Variants in MIGA1 observed in about 807,000 individuals in gnomAD.
MIGA1 encodes the protein mitoguardin 1, also known as family with sequence similarity 73, member A.
A neutral mutation model predicts 82.0 loss-of-function variants in MIGA1; 58 were observed. The ratio of observed to expected loss-of-function variants is 0.71; its 90% CI spans 0.57 to 0.88. MIGA1 has a LOEUF of 0.88. MIGA1 is among the 40% of genes least tolerant of loss of function. The pLI is 0.00. For missense variants in MIGA1, 751 were observed against 749.1 expected (o/e 1.00, Z -0.03); for synonymous variants, 249 against 253.6 (o/e 0.98, Z 0.17).
chr1:77,834,078 A>G (rs1684339816), intron 7 of MIGA1, among the ~76,000 whole-genome samples: 1 of 152,242 alleles, frequency 6.6e-6, no homozygotes, highest in Non-Finnish European at 1.5e-5. Flanking sequence ...ATTATTTCAC[A>G]TGGGTGAAAC....
chr1:77,870,114 G>C (rs1685885759), intron 14 of MIGA1, among the ~76,000 whole-genome samples: 1 of 98,040 alleles, frequency 1.0e-5, no homozygotes, highest in Non-Finnish European at 2.2e-5. Context: ...CTCCCTCCTG[G>C]ACGGGGCGAC....
chr1:77,846,450 T>C (rs1684845212), intron 8 of MIGA1, among the ~76,000 whole-genome samples: 1 of 152,022 alleles, frequency 6.6e-6, no homozygotes, highest in Non-Finnish European at 1.5e-5. Flanking sequence ...TGTGTATATG[T>C]ATTTAATAGA....
At chr1:77,819,322 C>T (rs1220513412) in intron 7 of MIGA1, among the ~76,000 whole-genome samples, 1 of 152,022 alleles carries the variant, frequency 6.6e-6, no homozygotes, top group Non-Finnish European at 1.5e-5. Flanking sequence ...TCACTCTTGT[C>T]ACCCAGGCTG....
chr1:77,782,595 G>A (rs1246271670), intron 1 of MIGA1, among the ~76,000 whole-genome samples: 2 of 152,158 alleles, frequency 1.3e-5, no homozygotes, highest in Non-Finnish European at 2.9e-5. Flanking sequence ...CTGCCTTAAT[G>A]ACCTCTCTTT....
intron 4 of MIGA1, among the ~76,000 whole-genome samples, chr1:77,803,898 A>C (rs1317454033): frequency 1.3e-5 from 2 of 152,188 alleles, no homozygotes; most frequent in Non-Finnish European, 2.9e-5. Flanking sequence ...TTAAAAAGTA[A>C]CTAAAAGATT....
Position 77,803,270 on chromosome 1 carries a change from G to A in MIGA1, c.374G>A (p.Gly125Asp). 6.6e-7 allele frequency: 1 copy of A among 1,510,510 alleles called. No individual in the cohort carries two copies. The highest frequency in any genetic ancestry group is 1.4e-5 in the South Asian group (1 of 73,356). The allele number at this position is 1,510,510 out of a possible 1,614,324, so 93.6% of individuals were successfully genotyped here. ...TAATATTAGTATGTTTATTTGATAG[G>A]TTCAAGTTGTTCCAGTAGCAGACAG... is the stretch of plus-strand genomic sequence containing the variant. The change falls in exon 4 of 16, where the codon GGT becomes GAT. Residue 125 changes from glycine to aspartate, a missense_variant and splice_region_variant. This residue lies in a region of MIGA1 where 482 missense variants were observed against 439.4 expected (regional missense o/e 1.10). Transcript: ENST00000370791.
chr1:77,869,062 T>C (rs1466890795), intron 14 of MIGA1, among the ~76,000 whole-genome samples: 1 of 151,900 alleles, frequency 6.6e-6, no homozygotes, highest in African/African-American at 2.4e-5. Flanking sequence ...CAAAGGTCTC[T>C]GGTTTTCCTA....
chr1:77,828,313 T>G (rs886145762), intron 7 of MIGA1, among the ~76,000 whole-genome samples: 1 of 152,186 alleles, frequency 6.6e-6, no homozygotes, highest in Non-Finnish European at 1.5e-5. Flanking sequence ...TAGGTTTTGC[T>G]CTAGACCTAC....
intron 2 of MIGA1, among the ~76,000 whole-genome samples, chr1:77,787,709 T>C (rs1682229405): frequency 6.6e-6 from 1 of 152,120 alleles, no homozygotes; most frequent in African/African-American, 2.4e-5. Flanking sequence ...ATTTTTGAAA[T>C]TGTTTTGTTC....
chr1:77,868,399 A>G (rs1319072735), intron 14 of MIGA1: 9 of 152,048 alleles, frequency 5.9e-5, no homozygotes. Context: ...GCTAATTTGT[A>G]TATTTTTGGC....
chr1:77,841,837 C>T (rs1219771762), intron 7 of MIGA1, among the ~76,000 whole-genome samples: 1 of 149,664 alleles, frequency 6.7e-6, no homozygotes, highest in Non-Finnish European at 1.5e-5. Context: ...CTCACTCTGA[C>T]ATCCAGGCTG....
chr1:77,779,659 T>C lies in MIGA1; in HGVS notation c.4T>C (p.Ser2Pro), dbSNP rs1386621064. ...CCGGAAGGACTCCGCCTTCTCCATG[T>C]CAGACTGCTGCTCAGCGCCAGGCAT... The change falls in exon 1 of 16, where the codon TCA becomes CCA. Residue 2 changes from serine (S) to proline (P), a missense_variant. By Grantham distance (74) the Ser-to-Pro change is moderately conservative. This residue lies in a region of MIGA1 where 482 missense variants were observed against 439.4 expected (regional missense o/e 1.10). Transcript: ENST00000370791. The C allele has an allele frequency of 1.3e-6, 2 of 1,580,240 alleles. No homozygotes were observed. The highest frequency in any genetic ancestry group is 1.3e-5 in the African/African-American group (1 of 74,262).
intron 11 of MIGA1, chr1:77,860,842 G>T (rs998774916): frequency 3.9e-5 from 7 of 181,726 alleles, no homozygotes. Flanking sequence ...TGTAAGTCTT[G>T]TGTTGCTTTC....
chr1:77,790,562 G>A (rs1682372437), intron 2 of MIGA1, among the ~76,000 whole-genome samples: 2 of 151,166 alleles, frequency 1.3e-5, no homozygotes, highest in Admixed American at 6.6e-5. Context: ...CACTGCGCCC[G>A]GCCCCCACCT....
At chr1:77,829,474 G>A (rs180779574) in intron 7 of MIGA1, among the ~76,000 whole-genome samples, 142 of 152,038 alleles carry the variant, frequency 9.3e-4, no homozygotes, top group African/African-American at 3.2e-3. Context: ...TAGAAGTTTT[G>A]TTTGTTTGTT....
At chr1:77,829,470 TTTTG>T (rs1012179089) in intron 7 of MIGA1, among the ~76,000 whole-genome samples, 12 of 151,692 alleles carry the variant, frequency 7.9e-5, no homozygotes, top group African/African-American at 2.9e-4. Context: ...CTTCTAGAAG[TTTTG>T]TTTGTTTGTT....
chr1:77,815,345 A>C, intron 7 of MIGA1, 114 bp downstream of exon 7: 1 of 856,206 alleles, frequency 1.2e-6, no homozygotes, highest in African/African-American at 1.8e-5. Context: ...AAAAAAAAAT[A>C]AACTAGCCAA....
At chr1:77,787,386 C>CTT (rs74680486) in intron 2 of MIGA1, among the ~76,000 whole-genome samples, 13 of 142,234 alleles carry the variant, frequency 9.1e-5, no homozygotes, top group Non-Finnish European at 1.2e-4. Context: ...GTCCTTTGCC[C>CTT]TTTTTTTTTT....
At position 77,875,420 on chromosome 1, in the gene MIGA1, T is replaced by G. The variant is rs1646886660; in HGVS notation, c.*356T>G. ...GTTTTTATGCTTTGCACCTTTAAAA[T>G]GTACACTTTAGCCAAGGTCTTTGTG... On this transcript the variant is annotated 3_prime_UTR_variant, in exon 16 of 16. Coordinates refer to ENST00000370791, the MANE Select transcript of MIGA1 (RefSeq NM_198549.4). 1 of 185,658 alleles carries G rather than the reference T, an allele frequency of 5.4e-6. No homozygotes were observed. The highest frequency in any genetic ancestry group is 1.1e-5 in the Non-Finnish European group (1 of 88,978). 11.5% of individuals were successfully genotyped at this position (185,658 alleles called of 1,614,324 possible).
Sources: gnomAD v4.1 joint callset for allele counts (sites outside exome capture counted in the v4.1 genomes callset) on GRCh38, gnomAD v4.1.1 for gene constraint, gnomAD v4.1.1 regional missense constraint, MANE v1.5 for transcripts, NCBI Gene and HGNC (gene_info 2026-07-23, HGNC 2026-07-21) for gene names.